The following CABLES1 variants were observed in gnomAD, a reference collection of about 807,000 sequenced individuals.
The protein encoded by CABLES1 is Cdk5 and Abl enzyme substrate 1.
CABLES1 carries 36 observed loss-of-function variants against 57.8 expected under a neutral mutation model. The ratio of observed to expected loss-of-function variants is 0.62; its 90% CI spans 0.48 to 0.82. CABLES1 has a LOEUF of 0.82. CABLES1 is among the 40% of genes least tolerant of loss of function. CABLES1 has a pLI of 0.00. For missense variants in CABLES1, 767 were observed against 836.6 expected (o/e 0.92, Z 1.03); for synonymous variants, 374 against 363.0 (o/e 1.03, Z -0.35).
At chr18:23,183,321 C>T (rs2047180421) in intron 1 of CABLES1, among the ~76,000 whole-genome samples, 1 of 152,150 alleles carries the variant, frequency 6.6e-6, no homozygotes, top group Non-Finnish European at 1.5e-5. Flanking sequence ...CTAACAGTAC[C>T]CTTGTGACCA....
intron 7 of CABLES1, among the ~76,000 whole-genome samples, chr18:23,247,199 C>T (rs2047918404): frequency 1.3e-5 from 2 of 152,228 alleles, no homozygotes; most frequent in Non-Finnish European, 2.9e-5. Flanking sequence ...GGAGGCCCGG[C>T]CTCTAAGGGC....
At chr18:23,241,347 G>T (rs991767831) in intron 7 of CABLES1, among the ~76,000 whole-genome samples, 1 of 151,922 alleles carries the variant, frequency 6.6e-6, no homozygotes, top group African/African-American at 2.4e-5. Context: ...CCTGGCTAAC[G>T]TGATGAAACT....
At chr18:23,139,582 A>G (rs1223826937) in intron 1 of CABLES1, among the ~76,000 whole-genome samples, 3 of 152,188 alleles carry the variant, frequency 2.0e-5, no homozygotes, top group African/African-American at 7.2e-5. Flanking sequence ...CAAGGTGCAC[A>G]GTAAATGCCT....
At chr18:23,143,643 T>G (rs2046872009) in intron 1 of CABLES1, among the ~76,000 whole-genome samples, 1 of 152,244 alleles carries the variant, frequency 6.6e-6, no homozygotes, top group Non-Finnish European at 1.5e-5. Flanking sequence ...CCACATGGCC[T>G]ATTCCCTGGC....
chr18:23,254,019 C>T, intron 9 of CABLES1, 83 bp downstream of exon 9: 1 of 1,177,936 alleles, frequency 8.5e-7, no homozygotes, highest in Non-Finnish European at 1.3e-6. Context: ...GTCAGTGACC[C>T]TGCCTGGAAG....
chr18:23,138,443 T>A (rs1598793005), intron 1 of CABLES1, among the ~76,000 whole-genome samples: 1 of 152,238 alleles, frequency 6.6e-6, no homozygotes, highest in Non-Finnish European at 1.5e-5. Context: ...GAATAATCCG[T>A]ATCTGGCAAC....
chr18:23,251,420 C>T (rs1342724559), intron 7 of CABLES1, among the ~76,000 whole-genome samples: 2 of 152,076 alleles, frequency 1.3e-5, no homozygotes, highest in Admixed American at 6.5e-5. Context: ...CACTGTACTC[C>T]AGCTTGGGCA....
intron 1 of CABLES1, among the ~76,000 whole-genome samples, chr18:23,165,458 C>G (rs1318969490): frequency 6.6e-6 from 1 of 151,954 alleles, no homozygotes; most frequent in Non-Finnish European, 1.5e-5. Context: ...TGTTCTGCAT[C>G]CACTCTCCGG....
intron 7 of CABLES1, among the ~76,000 whole-genome samples, chr18:23,240,157 G>T (rs1173824542): frequency 2.0e-5 from 3 of 152,080 alleles, no homozygotes; most frequent in African/African-American, 4.8e-5. Context: ...AATGATGGAA[G>T]GGTTGGACGT....
chr18:23,228,746 TAAAAAA>T (rs572362933), intron 4 of CABLES1, among the ~76,000 whole-genome samples: 1 of 125,732 alleles, frequency 8.0e-6, no homozygotes, highest in Non-Finnish European at 1.7e-5. Context: ...AGCCTTTGTT[TAAAAAA>T]AAAAAAAAAA....
At chr18:23,183,370 G>A (rs369017857) in intron 1 of CABLES1, among the ~76,000 whole-genome samples, 1 of 152,172 alleles carries the variant, frequency 6.6e-6, no homozygotes, top group Non-Finnish European at 1.5e-5. Flanking sequence ...TTGCACCCAC[G>A]GAGGAACCGT....
intron 3 of CABLES1, among the ~76,000 whole-genome samples, chr18:23,211,567 A>C (rs1012938913): frequency 6.6e-6 from 1 of 152,200 alleles, no homozygotes; most frequent in African/African-American, 2.4e-5. Context: ...GGCCTAGAAC[A>C]TCTGGATGAA....
At chr18:23,212,232 G>A (rs1174788262) in intron 3 of CABLES1, among the ~76,000 whole-genome samples, 1 of 152,260 alleles carries the variant, frequency 6.6e-6, no homozygotes, top group Non-Finnish European at 1.5e-5. Flanking sequence ...CTGGTCTGCA[G>A]TAAAGATGGT....
intron 1 of CABLES1, chr18:23,155,842 G>C (rs1598802272): frequency 3.1e-6 from 5 of 1,610,702 alleles, no homozygotes; most frequent in Non-Finnish European, 4.2e-6. Context: ...TTTCTTCCTG[G>C]TGTTTGAATG....
In CABLES1 at chr18:23,214,063, A is replaced by G; in HGVS notation, c.1088+9A>G. On this transcript the variant is annotated intron_variant, in intron 4 of 9. Coordinates refer to ENST00000256925, the MANE Select transcript of CABLES1 (RefSeq NM_001100619.3). ...GACAGTACCCAAGTCGGGTATGTAT[A>G]TGCATGCATGCTTTGTAGTTCTCTG... is the stretch of plus-strand genomic sequence containing the variant. 6.3e-7 allele frequency: 1 copy of G among 1,584,646 alleles called. No homozygotes were observed. Among genetic ancestry groups the G allele is most frequent in the Non-Finnish European group, 8.7e-7 (1 of 1,155,748 alleles).
chr18:23,174,533 A>G (rs7235963), intron 1 of CABLES1, among the ~76,000 whole-genome samples: 18,734 of 151,114 alleles, frequency 0.12, 3,988 homozygotes, highest in African/African-American at 0.43. Context: ...GTGCAGTGGC[A>G]CGATCTCAGT....
intron 1 of CABLES1, among the ~76,000 whole-genome samples, chr18:23,140,562 G>A (rs774896290): frequency 2.6e-5 from 4 of 151,426 alleles, no homozygotes; most frequent in Non-Finnish European, 4.4e-5. Context: ...TCAGCCTCCC[G>A]AGTAACTGGG....
At chr18:23,216,559 A>C (rs1163510007) in intron 4 of CABLES1, among the ~76,000 whole-genome samples, 1 of 152,208 alleles carries the variant, frequency 6.6e-6, no homozygotes, top group African/African-American at 2.4e-5. Context: ...AAAAAGAATC[A>C]TTGTGAAGAA....
chr18:23,243,361 A>G (rs1393346389), intron 7 of CABLES1, among the ~76,000 whole-genome samples: 1 of 151,696 alleles, frequency 6.6e-6, no homozygotes, highest in Non-Finnish European at 1.5e-5. Flanking sequence ...CCTGGGCAGT[A>G]GCTGAGGAGC....
Sources: gnomAD v4.1 joint callset for allele counts (sites outside exome capture counted in the v4.1 genomes callset) on GRCh38, gnomAD v4.1.1 for gene constraint, MANE v1.5 for transcripts, NCBI Gene and HGNC (gene_info 2026-07-23, HGNC 2026-07-21) for gene names.